The following RBFOX1 variants were observed in gnomAD, a reference collection of about 807,000 sequenced individuals.
RBFOX1 encodes RNA binding fox-1 homolog 1, also known as RNA binding protein fox-1 homolog 1.
A neutral mutation model predicts 57.7 loss-of-function variants in RBFOX1; 8 were observed. The observed-to-expected ratio is 0.14, with a 90% CI of 0.08 to 0.25. The LOEUF (loss-of-function observed/expected upper bound fraction) is 0.25, where lower values mean the gene tolerates loss of function less well. Among genes scored for constraint, RBFOX1 ranks in the 10% least tolerant of loss-of-function variants. The pLI is 1.00. For missense variants in RBFOX1, 611 were observed against 548.5 expected, an observed-to-expected ratio of 1.11 and a Z score of -1.14; for synonymous variants, 326 against 222.4, an observed-to-expected ratio of 1.47 and a Z score of -4.15.
intron 3 of RBFOX1, among the ~76,000 whole-genome samples, chr16:6,899,514 A>G (rs1392862015): frequency 6.6e-6 from 1 of 152,194 alleles, no homozygotes; most frequent in Non-Finnish European, 1.5e-5. Flanking sequence ...CTTGAGTGGA[A>G]AGGAATGAGT....
At chr16:5,869,391 A>C (rs983127541) in intron 4 of RBFOX1, among the ~76,000 whole-genome samples, 2 of 152,006 alleles carry the variant, frequency 1.3e-5, no homozygotes, top group African/African-American at 4.8e-5. Flanking sequence ...GCCCCTTTTA[A>C]ACTTCACAAG....
intron 2 of RBFOX1, among the ~76,000 whole-genome samples, chr16:6,478,528 C>T (rs55781181): frequency 3.4e-5 from 5 of 145,702 alleles, no homozygotes; most frequent in Non-Finnish European, 6.0e-5. Context: ...CTTGCCTTGG[C>T]CTCCCAAAAT....
intron 4 of RBFOX1, among the ~76,000 whole-genome samples, chr16:7,515,226 G>T (rs1010199339): frequency 6.6e-6 from 1 of 150,818 alleles, no homozygotes; most frequent in Non-Finnish European, 1.5e-5. Flanking sequence ...CCCAGAAAAA[G>T]AAAAGATGCT....
At chr16:7,433,938 T>C (rs904762587) in intron 4 of RBFOX1, among the ~76,000 whole-genome samples, 1 of 152,210 alleles carries the variant, frequency 6.6e-6, no homozygotes, top group Non-Finnish European at 1.5e-5. Flanking sequence ...TGTTAGACAA[T>C]TCATTTATAA....
At chr16:6,508,370 CA>C (rs2096165766) in intron 2 of RBFOX1, among the ~76,000 whole-genome samples, 1 of 151,978 alleles carries the variant, frequency 6.6e-6, no homozygotes, top group Non-Finnish European at 1.5e-5. Flanking sequence ...AAACTTAAAA[CA>C]AAAATATAAT....
chr16:7,296,510 G>A (rs1316841784), intron 4 of RBFOX1, among the ~76,000 whole-genome samples: 1 of 152,058 alleles, frequency 6.6e-6, no homozygotes, highest in Non-Finnish European at 1.5e-5. Flanking sequence ...TGCTACCATT[G>A]GCCCCATTTT....
At chr16:5,831,203 C>G (rs1467981418) in intron 3 of RBFOX1, among the ~76,000 whole-genome samples, 2 of 152,050 alleles carry the variant, frequency 1.3e-5, no homozygotes, top group East Asian at 3.9e-4. Flanking sequence ...CTGGTGGGAA[C>G]TGTTTGGATC....
intron 11 of RBFOX1, 25 bp from the exon 12 acceptor site, chr16:7,653,790 C>A (rs1875182010): frequency 6.2e-7 from 1 of 1,607,068 alleles, no homozygotes; most frequent in African/African-American, 1.3e-5. Flanking sequence ...TGTGCTCTCT[C>A]TCTCTCTCTC....
chr16:7,469,972 T>A (rs2061265585), intron 4 of RBFOX1, among the ~76,000 whole-genome samples: 1 of 152,152 alleles, frequency 6.6e-6, no homozygotes, highest in South Asian at 2.1e-4. Context: ...TAGCATAACG[T>A]CTTCAAGGTA....
chr16:7,587,099 G>T (rs1189687315), intron 6 of RBFOX1, 148 bp from the exon 7 acceptor site: 1 of 1,053,014 alleles, frequency 9.5e-7, no homozygotes, highest in Non-Finnish European at 1.2e-6. Context: ...ATTTTCTCTT[G>T]TTTCAAGCAC....
intron 2 of RBFOX1, among the ~76,000 whole-genome samples, chr16:6,382,849 G>C (rs945092323): frequency 6.6e-6 from 1 of 152,134 alleles, no homozygotes; most frequent in Non-Finnish European, 1.5e-5. Flanking sequence ...AACAGAGTGA[G>C]ACTCTGTCTC....
intron 3 of RBFOX1, among the ~76,000 whole-genome samples, chr16:5,867,131 G>T (rs1002168779): frequency 6.7e-6 from 1 of 149,072 alleles, no homozygotes; most frequent in Non-Finnish European, 1.5e-5. Flanking sequence ...ATGTTGCTGT[G>T]CTTGGTGGAA....
chr16:6,475,409 A>G (rs1032477390), intron 2 of RBFOX1, among the ~76,000 whole-genome samples: 1 of 152,378 alleles, frequency 6.6e-6, no homozygotes, highest in African/African-American at 2.4e-5. Context: ...GCTACGCTTC[A>G]GGAATGAGGG....
At chr16:6,606,978 T>A (rs1008553926) in intron 2 of RBFOX1, among the ~76,000 whole-genome samples, 1 of 152,198 alleles carries the variant, frequency 6.6e-6, no homozygotes, top group African/African-American at 2.4e-5. Context: ...CCACTAACAG[T>A]GTAAAAGCAT....
chr16:7,577,287 C>G (rs1376615588), intron 5 of RBFOX1, among the ~76,000 whole-genome samples: 1 of 152,154 alleles, frequency 6.6e-6, no homozygotes, highest in Admixed American at 6.5e-5. Context: ...TCTTGCTTTG[C>G]ACAGTGTCCT....
chr16:5,614,146 G>A (rs1010914127), intron 3 of RBFOX1, among the ~76,000 whole-genome samples: 2 of 152,160 alleles, frequency 1.3e-5, no homozygotes, highest in South Asian at 2.1e-4. Flanking sequence ...TAGGTTGGGA[G>A]GTGCGGATCA....
At chr16:7,670,643 C>T (rs11648229) in intron 13 of RBFOX1, among the ~76,000 whole-genome samples, 14,125 of 152,110 alleles carry the variant, frequency 0.093, 779 homozygotes, top group Middle Eastern at 0.16. Context: ...TATCAGGCAT[C>T]GCTCCGTAAG....
chr16:6,749,765 T>C (rs1208252334), intron 3 of RBFOX1, among the ~76,000 whole-genome samples: 1 of 152,224 alleles, frequency 6.6e-6, no homozygotes. Flanking sequence ...TTTTTCAGTG[T>C]TAACAGAGCA....
intron 4 of RBFOX1, among the ~76,000 whole-genome samples, chr16:7,081,709 T>A (rs1410137905): frequency 6.6e-6 from 1 of 152,224 alleles, no homozygotes; most frequent in African/African-American, 2.4e-5. Flanking sequence ...ATTATTTATT[T>A]TAAATATTTC....
Sources: allele counts gnomAD v4.1 joint callset (sites outside exome capture counted in the v4.1 genomes callset), GRCh38; gene constraint gnomAD v4.1.1; transcripts MANE v1.5; gene names NCBI Gene and HGNC (gene_info 2026-07-23, HGNC 2026-07-21).